IKZF2: variants seen among roughly 807,000 people sequenced by gnomAD.
The protein encoded by IKZF2 is IKAROS family zinc finger 2.
A neutral mutation model predicts 49.2 loss-of-function variants in IKZF2; 15 were observed. The observed-to-expected ratio is 0.30, with a 90% CI of 0.20 to 0.47. The LOEUF is 0.47. Ranked by LOEUF, IKZF2 falls within the 20% of genes least tolerant of loss-of-function variation. The pLI, the probability that IKZF2 is intolerant of heterozygous loss-of-function variation, is 1.00. For synonymous variants in IKZF2, 227 were observed against 221.4 expected, an observed-to-expected ratio of 1.03 and a Z score of -0.23; for missense variants, 567 against 664.6, an observed-to-expected ratio of 0.85 and a Z score of 1.61.
chr2:213,019,210 T>C (rs1218100264), intron 7 of IKZF2, among the ~76,000 whole-genome samples: 1 of 152,114 alleles, frequency 6.6e-6, no homozygotes, highest in Non-Finnish European at 1.5e-5. Flanking sequence ...CTAGGAAATA[T>C]AACTATGTCA....
At chr2:213,083,124 T>C (rs76127253) in intron 4 of IKZF2, among the ~76,000 whole-genome samples, 1 of 152,140 alleles carries the variant, frequency 6.6e-6, no homozygotes, top group Non-Finnish European at 1.5e-5. Flanking sequence ...AAGTAAGACA[T>C]GCTAAAATTA....
At chr2:213,039,120 A>G (rs748007876) in intron 6 of IKZF2, among the ~76,000 whole-genome samples, 6 of 152,070 alleles carry the variant, frequency 3.9e-5, no homozygotes, top group Admixed American at 1.3e-4. Flanking sequence ...TTGAAATTCT[A>G]TTAAAGATAA....
intron 6 of IKZF2, among the ~76,000 whole-genome samples, chr2:213,049,348 T>C (rs1428312962): frequency 1.3e-5 from 2 of 152,148 alleles, no homozygotes; most frequent in South Asian, 2.1e-4. Context: ...TCATTTCCTC[T>C]ACAGTAACTC....
At chr2:213,102,480 G>T (rs1436714794) in intron 4 of IKZF2, among the ~76,000 whole-genome samples, 1 of 152,070 alleles carries the variant, frequency 6.6e-6, no homozygotes. Context: ...ACCAAGACAA[G>T]TTGGGAGGTT....
chr2:213,120,524 G>A (rs137969165), intron 4 of IKZF2, among the ~76,000 whole-genome samples: 1 of 152,320 alleles, frequency 6.6e-6, no homozygotes, highest in African/African-American at 2.4e-5. Flanking sequence ...CAAAAAGATA[G>A]ATTGGGCTGT....
chr2:213,023,502 T>C (rs1407285268), intron 6 of IKZF2, among the ~76,000 whole-genome samples: 1 of 152,220 alleles, frequency 6.6e-6, no homozygotes, highest in Non-Finnish European at 1.5e-5. Flanking sequence ...CATGGATTTC[T>C]GGGAAGTAGC....
chr2:213,096,424 C>A (rs1426294905), intron 4 of IKZF2, among the ~76,000 whole-genome samples: 2 of 151,474 alleles, frequency 1.3e-5, no homozygotes, highest in Non-Finnish European at 3.0e-5. Context: ...TAGCATGTTT[C>A]TTTTCAAAAA....
Position 213,147,806 on chromosome 2 carries a change from T to C in IKZF2, c.41A>G (p.Asn14Ser), listed in dbSNP as rs2061132296. ...GTGCTCCCTTTCGGGTGAAAGCTCATTGTCACCTGCTTTCACAAAATATAA... is the reference window on the plus strand; with the variant it reads ...GTGCTCCCTTTCGGGTGAAAGCTCACTGTCACCTGCTTTCACAAAATATAA... ...EAIDGYITCD[N>S]ELSPEREHSN... The change falls in exon 4 of 9, where the codon AAT (asparagine) becomes AGT (serine). Residue 14 changes from asparagine to serine, a missense_variant. Coordinates refer to ENST00000434687, the MANE Select transcript of IKZF2 (RefSeq NM_001387220.1). 6.2e-6 allele frequency: 10 copies of C among 1,609,586 alleles called. No individual in the cohort carries two copies. The highest frequency in any genetic ancestry group is 1.6e-4 in the Middle Eastern group (1 of 6,080).
At chr2:213,061,445 TCA>T (rs1011496699) in intron 4 of IKZF2, among the ~76,000 whole-genome samples, 2 of 150,722 alleles carry the variant, frequency 1.3e-5, no homozygotes, top group Non-Finnish European at 3.0e-5. Context: ...TTTAATCCAA[TCA>T]ATGTCATAAT....
At chr2:213,061,589 T>C (rs1658370094) in intron 4 of IKZF2, among the ~76,000 whole-genome samples, 1 of 151,470 alleles carries the variant, frequency 6.6e-6, no homozygotes, top group Non-Finnish European at 1.5e-5. Flanking sequence ...AGACCTTACA[T>C]TCATTTATAG....
intron 6 of IKZF2, among the ~76,000 whole-genome samples, chr2:213,040,805 A>G (rs1699553392): frequency 6.6e-6 from 1 of 152,252 alleles, no homozygotes; most frequent in Non-Finnish European, 1.5e-5. Context: ...TTGTAGCAGA[A>G]GCATTGATTC....
At chr2:213,047,105 A>C (rs1700221366) in intron 6 of IKZF2, among the ~76,000 whole-genome samples, 1 of 152,162 alleles carries the variant, frequency 6.6e-6, no homozygotes, top group Non-Finnish European at 1.5e-5. Context: ...CTAATAGGAT[A>C]TGCCTTCCCT....
chr2:213,140,680 G>T (rs2060832992), intron 4 of IKZF2, among the ~76,000 whole-genome samples: 2 of 151,488 alleles, frequency 1.3e-5, no homozygotes, highest in Admixed American at 1.3e-4. Flanking sequence ...AAAATCAGTG[G>T]GTCAATCACA....
At position 213,132,125 on chromosome 2, in the gene IKZF2, A is replaced by G. The variant is rs563383087; in HGVS notation, c.139+15583T>C. Among the ~76,000 whole-genome samples, 55 of 152,276 alleles carry G rather than the reference A, an allele frequency of 3.6e-4. 1 individual carries two copies. In the Middle Eastern group the frequency reaches 0.014, roughly 38 times the overall value. On this transcript the variant is annotated intron_variant, in intron 4 of 8. Coordinates refer to ENST00000434687, the MANE Select transcript of IKZF2 (RefSeq NM_001387220.1). Reference sequence around the variant, plus strand: ...TCCCTATTTTACAAATGAGGTAACTAAAACACAGCATAGGAAAGATACTAT... The same window carrying G: ...TCCCTATTTTACAAATGAGGTAACTGAAACACAGCATAGGAAAGATACTAT...
At position 213,057,003 on chromosome 2, in the gene IKZF2, C is replaced by G; in HGVS notation, c.236G>C (p.Ser79Thr). The change falls in exon 5 of 9, where the codon AGC becomes ACC. Residue 79 changes from serine to threonine, a missense_variant. This residue lies in a region of IKZF2 where 156 missense variants were observed against 138.5 expected (regional missense o/e 1.13). Coordinates refer to ENST00000434687, the MANE Select transcript of IKZF2 (RefSeq NM_001387220.1). ...GCTCTCAATTAGGGGTTCTTCTAGG[C>G]TGCTACCCTCATCATGGCCCCTGAT... ...DEIRGHDEGSSLEEPLIESSE... is the reference protein window; with the variant it reads ...DEIRGHDEGSTLEEPLIESSE... The G allele has an allele frequency of 6.2e-7, 1 of 1,613,932 alleles. No homozygotes were observed. The highest frequency in any genetic ancestry group is 8.5e-7 in the Non-Finnish European group (1 of 1,179,902).
Position 213,007,248 on chromosome 2 carries a change from T to C in IKZF2, c.*112A>G, listed in dbSNP as rs1196302205. 2.6e-6 allele frequency: 3 copies of C among 1,154,272 alleles called. No homozygotes were observed. Among genetic ancestry groups the C allele is most frequent in the East Asian group, 2.5e-5 (1 of 39,790 alleles). The allele number at this position is 1,154,272 out of a possible 1,614,324, so 71.5% of individuals were successfully genotyped here. Reference sequence around the variant, plus strand: ...ATAAGAATTATCAACAGTAATAATATTAAAAAAAATAAAAGGTATGTCAAC... The same window carrying C: ...ATAAGAATTATCAACAGTAATAATACTAAAAAAAATAAAAGGTATGTCAAC... On this transcript the variant is annotated 3_prime_UTR_variant, in exon 9 of 9. Coordinates refer to ENST00000434687, the MANE Select transcript of IKZF2 (RefSeq NM_001387220.1).
At chr2:213,070,687 C>G (rs534293258) in intron 4 of IKZF2, among the ~76,000 whole-genome samples, 4 of 152,220 alleles carry the variant, frequency 2.6e-5, no homozygotes, top group African/African-American at 9.6e-5. Context: ...ACAAGGTAAG[C>G]AGTTCTCAGA....
At chr2:213,126,314 T>C (rs539977194) in intron 4 of IKZF2, among the ~76,000 whole-genome samples, 1 of 152,298 alleles carries the variant, frequency 6.6e-6, no homozygotes, top group Non-Finnish European at 1.5e-5. Context: ...TTATGTGTGT[T>C]GATTTCTGCC....
chr2:213,008,818 T>C (rs138344286), intron 8 of IKZF2, among the ~76,000 whole-genome samples: 1,765 of 152,176 alleles, frequency 0.012, 14 homozygotes, highest in Middle Eastern at 0.027. Context: ...TTATAACATA[T>C]GGCACCTCAC....
Sources: gnomAD v4.1 joint callset for allele counts (sites outside exome capture counted in the v4.1 genomes callset) on GRCh38, gnomAD v4.1.1 for gene constraint, gnomAD v4.1.1 regional missense constraint, MANE v1.5 for transcripts, NCBI Gene and HGNC (gene_info 2026-07-23, HGNC 2026-07-21) for gene names.